The following TTC21A variants were observed in gnomAD, a reference collection of about 807,000 sequenced individuals.
TTC21A encodes the protein tetratricopeptide repeat protein 21A.
In TTC21A, 128 loss-of-function variants were observed where a neutral mutation model predicts 156.4. The observed-to-expected ratio is 0.82, with a 90% CI of 0.71 to 0.95. TTC21A has a LOEUF of 0.95. Ranked by LOEUF, TTC21A falls within the 40% of genes least tolerant of loss-of-function variation. The pLI is 0.00. For missense variants in TTC21A, 1,435 were observed against 1,602.3 expected, an observed-to-expected ratio of 0.90 and a Z score of 1.78; for synonymous variants, 587 against 617.1, an observed-to-expected ratio of 0.95 and a Z score of 0.72.
Position 39,107,819 on chromosome 3 carries a change from G to T in TTC21A, c.-19G>T, listed in dbSNP as rs755836641. On this transcript the variant is annotated 5_prime_UTR_variant, in exon 1 of 29. Transcript: ENST00000683103. ...CACCGCCCCACCAGACCCGGACTCG[G>T]AGCCGCGAGCGGCCCGAGATGAGCA... 4 of 1,612,470 alleles carry T rather than the reference G, an allele frequency of 2.5e-6. No homozygotes were observed. Among genetic ancestry groups the T allele is most frequent in the African/African-American group, 1.3e-5 (1 of 74,934 alleles).
intron 4 of TTC21A, among the ~76,000 whole-genome samples, chr3:39,111,653 A>T (rs1455427104): frequency 6.6e-6 from 1 of 152,192 alleles, no homozygotes; most frequent in Non-Finnish European, 1.5e-5. Context: ...GGAGAGGGTG[A>T]AAAAAATCTT....
Position 39,138,844 on chromosome 3 carries a change from A to G in TTC21A, c.*56A>G. 1 of 1,473,166 alleles carries G rather than the reference A, an allele frequency of 6.8e-7. No individual in the cohort carries two copies. The highest frequency in any genetic ancestry group is 9.4e-7 in the Non-Finnish European group (1 of 1,060,152). 91.3% of individuals were successfully genotyped at this position (1,473,166 alleles called of 1,614,324 possible). A position where few individuals can be genotyped will look rare whatever the true frequency, so the allele number is the denominator to read the frequency against. ...CCATCAACCTACTGAAGTTGTGTGGAGGGATGGAAAGTGGGTCAGTGGAGA... is the reference window on the plus strand; with the variant it reads ...CCATCAACCTACTGAAGTTGTGTGGGGGGATGGAAAGTGGGTCAGTGGAGA... On this transcript the variant is annotated 3_prime_UTR_variant, in exon 29 of 29. Transcript: ENST00000683103.
chr3:39,126,944 A>G (rs758936070), intron 12 of TTC21A, among the ~76,000 whole-genome samples: 1 of 152,204 alleles, frequency 6.6e-6, no homozygotes, highest in African/African-American at 2.4e-5. Flanking sequence ...TTGCTAGAAC[A>G]TGGTAATGCT....
chr3:39,109,048 G>A (rs756372814), intron 1 of TTC21A, 37 bp from the exon 2 acceptor site: 1 of 1,605,530 alleles, frequency 6.2e-7, no homozygotes, highest in Non-Finnish European at 8.5e-7. Context: ...GACAGAGAAG[G>A]GACTGGGCTA....
chr3:39,120,990 C>T lies in TTC21A; in HGVS notation c.901-7C>T. 3.1e-6 allele frequency: 5 copies of T among 1,591,900 alleles called. No individual in the cohort carries two copies. The highest frequency in any genetic ancestry group is 4.3e-6 in the Non-Finnish European group (5 of 1,166,748). ...TTTCCCAATTCCCACCTTCCTGTTTCTTGCAGTGTGGGAGTCACCAGGTGA... is the reference window on the plus strand; with the variant it reads ...TTTCCCAATTCCCACCTTCCTGTTTTTTGCAGTGTGGGAGTCACCAGGTGA... On this transcript the variant is annotated splice_region_variant and splice_polypyrimidine_tract_variant and intron_variant, in intron 8 of 28. Coordinates refer to ENST00000683103, the MANE Select transcript of TTC21A (RefSeq NM_001366900.1).
chr3:39,136,290 C>T (rs1374887045), intron 22 of TTC21A, 67 bp from the exon 23 acceptor site: 2 of 1,547,544 alleles, frequency 1.3e-6, no homozygotes, highest in Non-Finnish European at 1.7e-6. Flanking sequence ...CTCCTAGGGC[C>T]CCAGCACCCT....
chr3:39,124,782 T>C (rs1476659747), intron 9 of TTC21A, among the ~76,000 whole-genome samples: 3 of 152,132 alleles, frequency 2.0e-5, no homozygotes, highest in African/African-American at 7.2e-5. Context: ...GGTGTCTATA[T>C]AGTAGTAACG....
chr3:39,129,975 A>T, intron 15 of TTC21A, 104 bp from the exon 16 acceptor site: 1 of 1,172,870 alleles, frequency 8.5e-7, no homozygotes, highest in South Asian at 1.3e-5. Context: ...TGATGAATGA[A>T]TGAATGTCAG....
At position 39,129,222 on chromosome 3, in the gene TTC21A, C is replaced by G. The variant is rs1259635744; in HGVS notation, c.2047C>G (p.Gln683Glu). Residue 683 changes from glutamine to glutamate, a missense_variant, in exon 15 of 29, where the codon CAG (glutamine) becomes GAG (glutamate). Physicochemically the swap from Gln to Glu is conservative, Grantham distance 29. Coordinates refer to ENST00000683103, the MANE Select transcript of TTC21A (RefSeq NM_001366900.1). ...CATGCTAAGGAACATCTTGCCCAAG[C>G]AGTCCTGCTATATGGAAGCCAGAGA... ...LNMLRNILPKQSCYMEAREKM... is the reference protein window; with the variant it reads ...LNMLRNILPKESCYMEAREKM... 1 of 1,614,220 alleles carries G rather than the reference C, an allele frequency of 6.2e-7. No individual in the cohort carries two copies. The highest frequency in any genetic ancestry group is 1.7e-5 in the Admixed American group (1 of 60,036).
intron 12 of TTC21A, among the ~76,000 whole-genome samples, chr3:39,127,857 A>G (rs759631430): frequency 6.6e-6 from 1 of 152,248 alleles, no homozygotes; most frequent in Non-Finnish European, 1.5e-5. Context: ...ACATCTGAAA[A>G]GACAAGAACA....
rs2038479387 is a variant in TTC21A at position 39,128,791 on chromosome 3, A to G, written c.1755A>G (p.Ile585Met). The change falls in exon 14 of 29, where the codon ATA becomes ATG. Residue 585 changes from isoleucine (I) to methionine (M), a missense_variant. Ile to Met is a conservative substitution (Grantham distance 10). Transcript: ENST00000683103. The part of the protein sequence containing the change: ...LNKAGDYPEA[I>M]KTLKMVIKLP... Reference sequence around the variant, plus strand: ...AGGCTGGAGACTATCCAGAGGCCATAAAGACGCTGAAAATGGTCATCAAAT... The same window carrying G: ...AGGCTGGAGACTATCCAGAGGCCATGAAGACGCTGAAAATGGTCATCAAAT... The G allele has an allele frequency of 8.7e-6, 14 of 1,614,194 alleles. No individual in the cohort carries two copies. The highest frequency in any genetic ancestry group is 1.2e-5 in the Non-Finnish European group (14 of 1,180,020).
Position 39,110,203 on chromosome 3 carries a change from T to C in TTC21A, c.268+64T>C, listed in dbSNP as rs372043178. 16 of 1,269,226 alleles carry C rather than the reference T, an allele frequency of 1.3e-5. No homozygotes were observed. In the African/African-American group the frequency reaches 2.2e-4, roughly 17 times the overall value. 78.6% of individuals were successfully genotyped at this position (1,269,226 alleles called of 1,614,324 possible). On this transcript the variant is annotated intron_variant, in intron 3 of 28. Transcript: ENST00000683103. ...GGGAAGGAAAGCCCTGCCCCAGAGATAACACAGCCCCTCAAGGGCTGCCAA... is the reference window on the plus strand; with the variant it reads ...GGGAAGGAAAGCCCTGCCCCAGAGACAACACAGCCCCTCAAGGGCTGCCAA...
rs1159552576 is a variant in TTC21A at position 39,110,978 on chromosome 3, C to T, written c.396C>T (p.Tyr132=). Residue 132 remains tyrosine, a synonymous_variant, in exon 4 of 29, where the codon TAC becomes TAT. Transcript: ENST00000683103. ...LIGRHDKAKE[Y]IDRMLKISRG... ...GCCGCCATGACAAGGCCAAAGAGTA[C>T]ATTGACCGCATGCTGAAGATTTCTA... 1 of 1,613,032 alleles carries T rather than the reference C, an allele frequency of 6.2e-7. No individual in the cohort carries two copies. Among genetic ancestry groups the T allele is most frequent in the East Asian group, 2.2e-5 (1 of 44,864 alleles).
At chr3:39,114,810 G>T (rs2037140338) in intron 6 of TTC21A, 68 bp downstream of exon 6, 1 of 1,576,074 alleles carries the variant, frequency 6.3e-7, no homozygotes, top group East Asian at 2.2e-5. Flanking sequence ...AGCTGGGGAG[G>T]CAGGAGAACA....
Position 39,112,544 on chromosome 3 carries a change from T to G in TTC21A, c.522T>G (p.Ile174Met). The G allele has an allele frequency of 6.2e-7, 1 of 1,614,116 alleles. No homozygotes were observed. Among genetic ancestry groups the G allele is most frequent in the Non-Finnish European group, 8.5e-7 (1 of 1,180,026 alleles). The change falls in exon 5 of 29, where the codon ATT becomes ATG. Residue 174 changes from isoleucine to methionine, a missense_variant. By Grantham distance (10) the Ile-to-Met change is conservative (BLOSUM62 1). Coordinates refer to ENST00000683103, the MANE Select transcript of TTC21A (RefSeq NM_001366900.1). ...CCATTGAGTACCTGGAACAAGGAATTCAGGACACCAAAGATGTGCTGGGGC... is the reference window on the plus strand; with the variant it reads ...CCATTGAGTACCTGGAACAAGGAATGCAGGACACCAAAGATGTGCTGGGGC... ...KKAIEYLEQGIQDTKDVLGLM... is the reference protein window; with the variant it reads ...KKAIEYLEQGMQDTKDVLGLM...
chr3:39,130,672 A>G lies in TTC21A; in HGVS notation c.2320-29A>G, dbSNP rs764242063. 1.2e-6 allele frequency: 2 copies of G among 1,612,660 alleles called. No individual in the cohort carries two copies. Among genetic ancestry groups the G allele is most frequent in the South Asian group, 2.2e-5 (2 of 90,986 alleles). On this transcript the variant is annotated intron_variant, in intron 17 of 28. Coordinates refer to ENST00000683103, the MANE Select transcript of TTC21A (RefSeq NM_001366900.1). This position sits in a 1 kb window ranked among gnomAD's most constrained non-coding sequence, Gnocchi z 4.5. ...GGGCACTGAAGGGCAGAACCAGGCCAGAGGCTAATATTTACTGTTTGCACT... is the reference window on the plus strand; with the variant it reads ...GGGCACTGAAGGGCAGAACCAGGCCGGAGGCTAATATTTACTGTTTGCACT...
intron 6 of TTC21A, 52 bp downstream of exon 6, chr3:39,114,794 C>A: frequency 6.2e-7 from 1 of 1,600,620 alleles, no homozygotes; most frequent in Non-Finnish European, 8.6e-7. Flanking sequence ...TATTTACCAT[C>A]TTATAAGCTG....
chr3:39,126,222 G>A (rs776843132), intron 11 of TTC21A, 39 bp from the exon 12 acceptor site: 39 of 1,612,804 alleles, frequency 2.4e-5, no homozygotes, highest in Non-Finnish European at 1.7e-6. Context: ...CTTAGAATAG[G>A]GCAAACCTAC....
chr3:39,111,122 C>CT, intron 4 of TTC21A, 105 bp downstream of exon 4: 1 of 1,291,392 alleles, frequency 7.7e-7, no homozygotes, highest in Non-Finnish European at 1.1e-6. Context: ...TGGGGGAGAG[C>CT]CACACCCAGG....
Sources: allele counts gnomAD v4.1 joint callset (sites outside exome capture counted in the v4.1 genomes callset), GRCh38; gene constraint gnomAD v4.1.1; non-coding constraint Gnocchi (gnomAD v3.1); transcripts MANE v1.5; gene names NCBI Gene and HGNC (gene_info 2026-07-23, HGNC 2026-07-21).